The following ITSN1 variants were observed in gnomAD, a reference collection of about 807,000 sequenced individuals.
ITSN1 encodes intersectin-1.
ITSN1 carries 58 observed loss-of-function variants against 239.8 expected under a neutral mutation model. The ratio of observed to expected loss-of-function variants is 0.24; its 90% confidence interval spans 0.20 to 0.30. The LOEUF is 0.30. Among genes scored for constraint, ITSN1 ranks in the 10% least tolerant of loss-of-function variants. The pLI, the probability that ITSN1 is intolerant of heterozygous loss-of-function variation, is 1.00. For missense variants in ITSN1, 1,558 were observed against 2,103.3 expected (o/e 0.74, Z 5.07); for synonymous variants, 780 against 770.8 (o/e 1.01, Z -0.20).
In ITSN1 at chr21:33,735,640, T is replaced by C. The variant is rs115820086; in HGVS notation, c.346+436T>C. 564 of 179,770 alleles carry C rather than the reference T, an allele frequency of 3.1e-3. 2 individuals carry two copies. Among genetic ancestry groups the C allele is most frequent in the African/African-American group, 0.013 (532 of 41,784 alleles). 11.1% of individuals were successfully genotyped at this position (179,770 alleles called of 1,614,324 possible). On this transcript the variant is annotated intron_variant, in intron 5 of 39. Transcript: ENST00000381318. ...TTTTGAATCACAGTACTGAGTCACTTGGCCACATTAAATTCTTTCTTAGAA... is the reference window on the plus strand; with the variant it reads ...TTTTGAATCACAGTACTGAGTCACTCGGCCACATTAAATTCTTTCTTAGAA...
rs113399508 is a variant in ITSN1, at chr21:33,749,254, T to TAGTG, written c.347-885_347-882dup. Among the ~76,000 whole-genome samples the TAGTG allele has an allele frequency of 7.2e-3, 1,094 of 152,256 alleles. 14 individuals carry two copies. Among genetic ancestry groups the TAGTG allele is most frequent in the African/African-American group, 0.025 (1,041 of 41,564 alleles). On this transcript the variant is annotated intron_variant, in intron 5 of 39. Transcript: ENST00000381318. Reference sequence around the variant, plus strand: ...ATCTTCCTGCCTTGGCCTTCCAAAGTAGTGAGTTTACAGGCATAAGCCACT... The same window carrying TAGTG: ...ATCTTCCTGCCTTGGCCTTCCAAAGTAGTGAGTGAGTTTACAGGCATAAGCCACT...
intron 19 of ITSN1, among the ~76,000 whole-genome samples, chr21:33,800,572 G>C (rs532327362): frequency 3.0e-4 from 46 of 151,956 alleles, no homozygotes; most frequent in Admixed American, 9.8e-4. Flanking sequence ...TTCCTACTTT[G>C]TAACAGAAAA....
rs1488012725 is a variant in ITSN1 at position 33,895,858 on chromosome 21, T to C, written c.*7558T>C. On this transcript the variant is annotated 3_prime_UTR_variant, in exon 40 of 40. Transcript: ENST00000381318. Reference sequence around the variant, plus strand: ...CTAGTCGCGTGGTTTGCGGACAGAGTGCAAAATGAAAATGCGAGGCCCCTT... The same window carrying C: ...CTAGTCGCGTGGTTTGCGGACAGAGCGCAAAATGAAAATGCGAGGCCCCTT... 1 of 152,062 alleles carries C rather than the reference T, an allele frequency of 6.6e-6. No homozygotes were observed. Among genetic ancestry groups the C allele is most frequent in the Non-Finnish European group, 1.5e-5 (1 of 68,030 alleles). The allele number at this position is 152,062 out of a possible 1,614,324, so 9.4% of individuals were successfully genotyped here. A position where few individuals can be genotyped will look rare whatever the true frequency, so the allele number is the denominator to read the frequency against.
intron 31 of ITSN1, among the ~76,000 whole-genome samples, chr21:33,860,867 C>G (rs1003185709): frequency 9.9e-5 from 15 of 152,174 alleles, no homozygotes; most frequent in African/African-American, 3.4e-4. Context: ...TGGTGCTTGT[C>G]CTGCCTACCA....
intron 32 of ITSN1, among the ~76,000 whole-genome samples, chr21:33,866,737 G>A (rs1981660811): frequency 6.6e-6 from 1 of 152,204 alleles, no homozygotes; most frequent in Admixed American, 6.5e-5. Flanking sequence ...CCCGTTGTCT[G>A]AGCTCCTCTT....
intron 34 of ITSN1, among the ~76,000 whole-genome samples, chr21:33,875,868 A>T (rs980662276): frequency 1.3e-5 from 2 of 152,110 alleles, no homozygotes; most frequent in African/African-American, 4.8e-5. Context: ...TTTAGTAGAG[A>T]TGGGGTTTCC....
chr21:33,730,341 T>TC (rs1432435709), intron 4 of ITSN1, among the ~76,000 whole-genome samples: 2 of 151,366 alleles, frequency 1.3e-5, no homozygotes, highest in Non-Finnish European at 2.9e-5. Context: ...TTAAATTACT[T>TC]CCTTTCCTCC....
chr21:33,815,935 C>T (rs994494203), intron 22 of ITSN1, among the ~76,000 whole-genome samples: 8 of 152,002 alleles, frequency 5.3e-5, no homozygotes, highest in Admixed American at 6.6e-5. Context: ...TGCCTGTTAT[C>T]GCAGCACTTT....
intron 3 of ITSN1, 106 bp from the exon 4 acceptor site, chr21:33,722,482 A>C: frequency 7.4e-7 from 1 of 1,353,956 alleles, no homozygotes; most frequent in Non-Finnish European, 9.7e-7. Context: ...TGGTATTTAT[A>C]GTATTACCAG....
intron 24 of ITSN1, among the ~76,000 whole-genome samples, chr21:33,819,991 A>AAAAAT (rs1023844812): frequency 5.9e-5 from 9 of 152,214 alleles, no homozygotes; most frequent in East Asian, 3.8e-4. Context: ...TCCGTCTCAA[A>AAAAAT]AAAATAAAAT....
chr21:33,773,577 G>A (rs865834162), intron 12 of ITSN1, among the ~76,000 whole-genome samples: 4 of 152,274 alleles, frequency 2.6e-5, no homozygotes, highest in South Asian at 4.1e-4. Flanking sequence ...GCTAAGGAGG[G>A]ATGATCACTT....
At chr21:33,701,545 C>A (rs918959595) in intron 1 of ITSN1, among the ~76,000 whole-genome samples, 1 of 151,884 alleles carries the variant, frequency 6.6e-6, no homozygotes, top group African/African-American at 2.4e-5. Context: ...GTAATCCCAG[C>A]ACTTTGAGAG....
At chr21:33,850,139 T>C (rs537914809) in intron 29 of ITSN1, among the ~76,000 whole-genome samples, 1 of 152,304 alleles carries the variant, frequency 6.6e-6, no homozygotes, top group East Asian at 1.9e-4. Context: ...CTGAGAAGAA[T>C]TTGATCTTCA....
In ITSN1 at chr21:33,735,137, G is replaced by A; in HGVS notation, c.279G>A (p.Gln93=). The A allele has an allele frequency of 1.2e-6, 2 of 1,613,954 alleles. No individual in the cohort carries two copies. The highest frequency in any genetic ancestry group is 1.7e-6 in the Non-Finnish European group (2 of 1,179,928). The change falls in exon 5 of 40, where the codon CAG becomes CAA. Residue 93 remains glutamine (Q), a synonymous_variant. Coordinates refer to ENST00000381318, the MANE Select transcript of ITSN1 (RefSeq NM_003024.3). The part of the protein sequence containing the change: ...KLIKLKLQGY[Q]LPSALPPVMK... ...TCAAACTGAAGCTACAAGGATATCA[G>A]CTACCCTCTGCACTTCCCCCTGTCA...
intron 1 of ITSN1, among the ~76,000 whole-genome samples, chr21:33,716,938 A>G (rs1000074996): frequency 6.6e-6 from 1 of 151,430 alleles, no homozygotes; most frequent in African/African-American, 2.4e-5. Flanking sequence ...TCCGTCTCAA[A>G]AAAAAAAAAA....
At chr21:33,688,786 A>G (rs2091369346) in intron 1 of ITSN1, among the ~76,000 whole-genome samples, 1 of 152,016 alleles carries the variant, frequency 6.6e-6, no homozygotes, top group African/African-American at 2.4e-5. Context: ...GTTCTCTAAG[A>G]ATAGTTCACT....
chr21:33,712,005 T>C (rs1253677125), intron 1 of ITSN1, among the ~76,000 whole-genome samples: 1 of 152,230 alleles, frequency 6.6e-6, no homozygotes, highest in African/African-American at 2.4e-5. Flanking sequence ...TCTCAGCTTC[T>C]CTCTAAAATT....
chr21:33,673,806 G>C (rs1259951591), intron 1 of ITSN1, among the ~76,000 whole-genome samples: 2 of 152,150 alleles, frequency 1.3e-5, no homozygotes, highest in Non-Finnish European at 2.9e-5. Context: ...CAGAAAATTT[G>C]CTATTGGTGT....
At chr21:33,852,986 T>A (rs1239220858) in intron 29 of ITSN1, among the ~76,000 whole-genome samples, 3 of 152,206 alleles carry the variant, frequency 2.0e-5, no homozygotes, top group Non-Finnish European at 4.4e-5. Context: ...AAATATTAAA[T>A]TTTCAAAGGA....
Sources: gnomAD v4.1 joint callset for allele counts (sites outside exome capture counted in the v4.1 genomes callset) on GRCh38, gnomAD v4.1.1 for gene constraint, MANE v1.5 for transcripts, NCBI Gene and HGNC (gene_info 2026-07-23, HGNC 2026-07-21) for gene names.